Variants in DPP10 observed in about 807,000 individuals in gnomAD.
DPP10 encodes the protein dipeptidyl peptidase like 10.
In DPP10, 33 loss-of-function variants were observed where a neutral mutation model predicts 120.9. The observed-to-expected ratio is 0.27, with a 90% confidence interval of 0.21 to 0.37. DPP10 has a LOEUF of 0.37. Among genes scored for constraint, DPP10 ranks in the 10% least tolerant of loss-of-function variants. DPP10 has a pLI of 1.00. For missense variants in DPP10, 816 were observed against 942.8 expected (o/e 0.87, Z 1.76); for synonymous variants, 337 against 326.1 (o/e 1.03, Z -0.36).
intron 1 of DPP10, among the ~76,000 whole-genome samples, chr2:115,224,683 TACAC>T (rs1359980742): frequency 5.3e-5 from 8 of 152,336 alleles, no homozygotes; most frequent in East Asian, 1.9e-4. Flanking sequence ...TCTCATCACA[TACAC>T]ACAATAATCA....
Position 114,944,683 on chromosome 2 carries a change from C to T in DPP10, c.61-364556C>T, listed in dbSNP as rs1048988316. 3.3e-5 allele frequency among the ~76,000 whole-genome samples: 5 copies of T among 152,078 alleles called. 1 individual carries two copies. The highest frequency in any genetic ancestry group is 7.4e-5 in the Non-Finnish European group (5 of 68,012). Reference sequence around the variant, plus strand: ...GTAACAATGACTATCACTGAATGAGCGCTAAGGTTTTTACATTAGGCATTT... The same window carrying T: ...GTAACAATGACTATCACTGAATGAGTGCTAAGGTTTTTACATTAGGCATTT... On this transcript the variant is annotated intron_variant, in intron 1 of 25. Coordinates refer to ENST00000410059, the MANE Select transcript of DPP10 (RefSeq NM_020868.6).
chr2:114,849,219 G>A (rs747061975), intron 1 of DPP10, among the ~76,000 whole-genome samples: 2 of 152,010 alleles, frequency 1.3e-5, no homozygotes, highest in Non-Finnish European at 2.9e-5. Context: ...TGATTTCCAC[G>A]TGGCTGAGTG....
intron 8 of DPP10, among the ~76,000 whole-genome samples, chr2:115,737,810 C>T (rs1676755307): frequency 6.6e-6 from 1 of 152,122 alleles, no homozygotes. Flanking sequence ...TTTTCTCTGA[C>T]TTTAGAAGAG....
intron 22 of DPP10, 31 bp from the exon 23 acceptor site, chr2:115,836,476 C>G (rs1172460012): frequency 6.3e-7 from 1 of 1,599,740 alleles, no homozygotes; most frequent in South Asian, 1.1e-5. Context: ...TTTTTAGTTT[C>G]TTCTCGAATG....
intron 7 of DPP10, among the ~76,000 whole-genome samples, chr2:115,706,733 A>G (rs375256161): frequency 3.3e-5 from 5 of 151,994 alleles, no homozygotes; most frequent in South Asian, 4.1e-4. Flanking sequence ...TTATAATAGT[A>G]TCTACCACAA....
intron 1 of DPP10, among the ~76,000 whole-genome samples, chr2:114,936,698 A>G (rs935235028): frequency 7.2e-5 from 11 of 152,190 alleles, no homozygotes; most frequent in African/African-American, 1.9e-4. Flanking sequence ...ACTATTCACT[A>G]TACACTATTA....
At chr2:115,504,394 T>A (rs999496351) in intron 4 of DPP10, among the ~76,000 whole-genome samples, 1 of 151,936 alleles carries the variant, frequency 6.6e-6, no homozygotes, top group Admixed American at 6.6e-5. Context: ...ATTGTGCTTA[T>A]GAATAATTGA....
chr2:115,634,985 A>G (rs1239740442), intron 5 of DPP10, among the ~76,000 whole-genome samples: 2 of 152,108 alleles, frequency 1.3e-5, no homozygotes, highest in Non-Finnish European at 2.9e-5. Context: ...TAAAGAGGCA[A>G]TCTGGCCACA....
intron 1 of DPP10, among the ~76,000 whole-genome samples, chr2:114,735,657 C>T (rs1677356587): frequency 6.6e-6 from 1 of 152,076 alleles, no homozygotes; most frequent in African/African-American, 2.4e-5. Context: ...AATATCTTGG[C>T]TCTTTGATAA....
At chr2:115,456,479 TA>T (rs1161170266) in intron 3 of DPP10, among the ~76,000 whole-genome samples, 1 of 152,184 alleles carries the variant, frequency 6.6e-6, no homozygotes, top group Non-Finnish European at 1.5e-5. Flanking sequence ...CAAATAATTA[TA>T]AATCATTTTA....
chr2:114,579,327 A>G (rs1007574530), intron 1 of DPP10, among the ~76,000 whole-genome samples: 1 of 152,056 alleles, frequency 6.6e-6, no homozygotes, highest in Non-Finnish European at 1.5e-5. Context: ...ATTGTTTTCC[A>G]CTTGCCACAG....
chr2:115,728,290 A>T (rs1202287099), intron 8 of DPP10, among the ~76,000 whole-genome samples: 8 of 2,480 alleles, frequency 3.2e-3, no homozygotes, highest in African/African-American at 5.5e-3. Flanking sequence ...TTTATTTCTA[A>T]AAAAAAAAAA....
In DPP10 at chr2:114,634,371, T is replaced by A. The variant is rs190744717; in HGVS notation, c.60+191533T>A. 9.2e-4 allele frequency among the ~76,000 whole-genome samples: 136 copies of A among 148,310 alleles called. 1 individual carries two copies. The highest frequency in any genetic ancestry group is 1.5e-3 in the Non-Finnish European group (101 of 67,654). On this transcript the variant is annotated intron_variant, in intron 1 of 25. Coordinates refer to ENST00000410059, the MANE Select transcript of DPP10 (RefSeq NM_020868.6). ...CTATCCTTATACAGAGCCATTTTTT[T>A]AAGTTTTTTTTTATTTGTCTTTTCC...
At chr2:114,549,214 G>A (rs1450638610) in intron 1 of DPP10, among the ~76,000 whole-genome samples, 2 of 151,828 alleles carry the variant, frequency 1.3e-5, no homozygotes, top group Non-Finnish European at 2.9e-5. Flanking sequence ...CTTCTTTCTC[G>A]GTGTCGTATG....
intron 1 of DPP10, among the ~76,000 whole-genome samples, chr2:114,457,617 G>C (rs1055558432): frequency 2.6e-5 from 4 of 152,158 alleles, no homozygotes; most frequent in African/African-American, 9.7e-5. Context: ...ACAGATGGAG[G>C]AATCTGGGCG....
At chr2:114,800,610 G>A (rs1008554230) in intron 1 of DPP10, among the ~76,000 whole-genome samples, 2 of 152,116 alleles carry the variant, frequency 1.3e-5, no homozygotes, top group Admixed American at 1.3e-4. Flanking sequence ...TTAGAGAAGG[G>A]GACTGATTGT....
At chr2:115,627,826 G>A (rs764403718) in intron 5 of DPP10, among the ~76,000 whole-genome samples, 3 of 152,010 alleles carry the variant, frequency 2.0e-5, no homozygotes, top group Non-Finnish European at 4.4e-5. Flanking sequence ...AATGGCTCCC[G>A]GCTCCATCCA....
chr2:114,861,327 C>T (rs1419024646), intron 1 of DPP10, among the ~76,000 whole-genome samples: 5 of 152,200 alleles, frequency 3.3e-5, no homozygotes, highest in African/African-American at 1.2e-4. Flanking sequence ...TCCCACATGA[C>T]AACCACACCA....
rs185255462 is a variant in DPP10, at chr2:115,001,472, G to T, written c.61-307767G>T. On this transcript the variant is annotated intron_variant, in intron 1 of 25. Coordinates refer to ENST00000410059, the MANE Select transcript of DPP10 (RefSeq NM_020868.6). ...AATGGGCAAAAGCTGGAAGCATTCC[G>T]CTTGAGAACCACGAGACAACAAAAA... Among the ~76,000 whole-genome samples the T allele has an allele frequency of 2.0e-5, 3 of 152,090 alleles. No individual in the cohort carries two copies. The East Asian group carries it at 5.8e-4, about 29-fold the overall frequency.
Sources: gnomAD v4.1 joint callset for allele counts (sites outside exome capture counted in the v4.1 genomes callset) on GRCh38, gnomAD v4.1.1 for gene constraint, MANE v1.5 for transcripts, NCBI Gene and HGNC (gene_info 2026-07-23, HGNC 2026-07-21) for gene names.